The following BBS9 variants were observed in gnomAD, a reference collection of about 807,000 sequenced individuals.
BBS9 encodes protein PTHB1.
Under a neutral mutation model 117.7 loss-of-function variants are expected in BBS9, and 89 were observed. That is an observed-to-expected ratio of 0.76 (90% CI 0.64 to 0.90). The LOEUF (loss-of-function observed/expected upper bound fraction) is 0.90, where lower values mean the gene tolerates loss of function less well. Ranked by LOEUF, BBS9 falls within the 40% of genes least tolerant of loss-of-function variation. The probability of loss-of-function intolerance (pLI) is 0.00; values close to 1 mark genes in which losing one functional copy is unlikely to be tolerated. For synonymous variants in BBS9, 379 were observed against 370.9 expected (o/e 1.02, Z -0.25); for missense variants, 982 against 1,042.2 (o/e 0.94, Z 0.80).
Position 33,522,630 on chromosome 7 carries a change from G to A in BBS9, c.2299-11324G>A, listed in dbSNP as rs937021076. On this transcript the variant is annotated intron_variant, in intron 20 of 22. Transcript: ENST00000242067. ...TCTTGTAAACTTGTTTGAGTTCATT[G>A]TAGATTCTGGATATTAGCCCTTTGT... Among the ~76,000 whole-genome samples the A allele has an allele frequency of 2.9e-3, 435 of 151,706 alleles. 7 individuals are homozygous for A. The highest frequency in any genetic ancestry group is 8.0e-3 in the African/African-American group (330 of 41,414).
intron 2 of BBS9, among the ~76,000 whole-genome samples, chr7:33,149,381 G>A (rs894593888): frequency 6.6e-6 from 1 of 152,192 alleles, no homozygotes; most frequent in Non-Finnish European, 1.5e-5. Flanking sequence ...TAGGTGATCA[G>A]ACAGTGAGAG....
chr7:33,470,194 T>C (rs1181548399), intron 19 of BBS9, among the ~76,000 whole-genome samples: 1 of 152,140 alleles, frequency 6.6e-6, no homozygotes, highest in Non-Finnish European at 1.5e-5. Context: ...TGCCTTTTCA[T>C]AACAATATAG....
chr7:33,574,548 T>C (rs1337504854), intron 21 of BBS9, among the ~76,000 whole-genome samples: 1 of 152,038 alleles, frequency 6.6e-6, no homozygotes, highest in Admixed American at 6.6e-5. Context: ...AGAATATGTC[T>C]CCCTGATGTC....
chr7:33,375,088 A>G (rs902503462), intron 17 of BBS9, among the ~76,000 whole-genome samples: 2 of 152,146 alleles, frequency 1.3e-5, no homozygotes, highest in Admixed American at 6.5e-5. Flanking sequence ...AGATGTTCTG[A>G]CACACATAAA....
chr7:33,553,250 G>A (rs146360388), intron 21 of BBS9, among the ~76,000 whole-genome samples: 1 of 152,226 alleles, frequency 6.6e-6, no homozygotes, highest in East Asian at 1.9e-4. Flanking sequence ...CTTCATTGTG[G>A]GCTATTTAAT....
At chr7:33,283,192 A>G (rs1347896239) in intron 9 of BBS9, among the ~76,000 whole-genome samples, 2 of 152,156 alleles carry the variant, frequency 1.3e-5, no homozygotes, top group Non-Finnish European at 2.9e-5. Flanking sequence ...ATAATTGTAT[A>G]TTGCTTTTAT....
At chr7:33,400,391 T>C (rs1345949029) in intron 19 of BBS9, among the ~76,000 whole-genome samples, 1 of 152,196 alleles carries the variant, frequency 6.6e-6, no homozygotes, top group East Asian at 1.9e-4. Context: ...TCTGTAATTG[T>C]ATGAGGATTT....
intron 9 of BBS9, 110 bp downstream of exon 9, chr7:33,274,066 TTGTAGTATGAATG>T: frequency 8.4e-7 from 1 of 1,197,010 alleles, no homozygotes; most frequent in Non-Finnish European, 1.2e-6. Context: ...ACAGGTGACA[TTGTAGTATGAATG>T]TCAATAATAA....
At chr7:33,470,193 A>G (rs372248088) in intron 19 of BBS9, among the ~76,000 whole-genome samples, 4 of 152,150 alleles carry the variant, frequency 2.6e-5, no homozygotes, top group Non-Finnish European at 5.9e-5. Context: ...TTGCCTTTTC[A>G]TAACAATATA....
chr7:33,572,841 A>G (rs1858049420), intron 21 of BBS9, among the ~76,000 whole-genome samples: 1 of 151,956 alleles, frequency 6.6e-6, no homozygotes, highest in South Asian at 2.1e-4. Flanking sequence ...TTGTCTATCA[A>G]TCAACTATTT....
chr7:33,187,787 G>C (rs1445665703), intron 5 of BBS9, among the ~76,000 whole-genome samples: 3 of 151,988 alleles, frequency 2.0e-5, no homozygotes, highest in South Asian at 2.1e-4. Flanking sequence ...TGGGCACGGT[G>C]GTGGGTGCCT....
chr7:33,184,377 G>C (rs1396709379), intron 5 of BBS9, among the ~76,000 whole-genome samples: 2 of 152,194 alleles, frequency 1.3e-5, no homozygotes, highest in African/African-American at 2.4e-5. Flanking sequence ...CATCAGCAAA[G>C]AGCGCAAGGC....
rs753701101 is a variant in BBS9 at position 33,152,701 on chromosome 7, A to T, written c.113A>T (p.Asp38Val). The change falls in exon 3 of 23, where the codon GAT becomes GTT. Residue 38 changes from aspartate (D) to valine (V), a missense_variant and splice_region_variant. Asp to Val is a radical substitution (Grantham distance 152). Transcript: ENST00000242067. ...CTTTTTTTTTTTAAATTCTCTACAG[A>T]TAAAATAATTGTGGGTAGCTTTATG... ...ANVDNSGNGQ[D>V]KIIVGSFMGY... The T allele has an allele frequency of 1.2e-6, 2 of 1,611,280 alleles. No individual in the cohort carries two copies. The highest frequency in any genetic ancestry group is 2.2e-5 in the South Asian group (2 of 90,850).
intron 14 of BBS9, 45 bp downstream of exon 14, chr7:33,351,368 G>T: frequency 7.7e-7 from 1 of 1,292,208 alleles, no homozygotes; most frequent in South Asian, 1.2e-5. Flanking sequence ...TTGGAGTTAT[G>T]AGTAAAATGC....
intron 5 of BBS9, among the ~76,000 whole-genome samples, chr7:33,241,985 T>G (rs1794602914): frequency 6.6e-6 from 1 of 152,180 alleles, no homozygotes; most frequent in African/African-American, 2.4e-5. Flanking sequence ...AACTTTGACT[T>G]TGAGGTCATA....
intron 20 of BBS9, among the ~76,000 whole-genome samples, chr7:33,521,435 T>C (rs1345960527): frequency 6.6e-6 from 1 of 152,188 alleles, no homozygotes. Context: ...CTACCGTTGG[T>C]TGAAACCTCA....
At chr7:33,321,160 C>T (rs991365399) in intron 9 of BBS9, among the ~76,000 whole-genome samples, 13 of 151,980 alleles carry the variant, frequency 8.6e-5, no homozygotes, top group South Asian at 2.1e-4. Flanking sequence ...AATTTGAAGT[C>T]GGGTAATGTG....
At chr7:33,259,564 G>T (rs1264798204) in intron 6 of BBS9, among the ~76,000 whole-genome samples, 1 of 151,524 alleles carries the variant, frequency 6.6e-6, no homozygotes. Context: ...TAATAGAGAC[G>T]GGGTCTCACT....
intron 9 of BBS9, among the ~76,000 whole-genome samples, chr7:33,318,722 C>T (rs1202853680): frequency 6.6e-6 from 1 of 151,874 alleles, no homozygotes; most frequent in Non-Finnish European, 1.5e-5. Flanking sequence ...GTCTTTTATC[C>T]CTCACCCCCC....
Sources: allele counts gnomAD v4.1 joint callset (sites outside exome capture counted in the v4.1 genomes callset), GRCh38; gene constraint gnomAD v4.1.1; transcripts MANE v1.5; gene names NCBI Gene and HGNC (gene_info 2026-07-23, HGNC 2026-07-21).